The following GABBR2 variants were observed in gnomAD, a reference collection of about 807,000 sequenced individuals.
GABBR2 encodes the protein gamma-aminobutyric acid type B receptor subunit 2.
GABBR2 carries 23 observed loss-of-function variants against 105.6 expected under a neutral mutation model. The observed-to-expected ratio is 0.22, with a 90% CI of 0.16 to 0.31. The LOEUF (loss-of-function observed/expected upper bound fraction) is 0.31. Ranked by LOEUF, GABBR2 falls within the 10% of genes least tolerant of loss-of-function variation. The pLI, the probability that GABBR2 is intolerant of heterozygous loss-of-function variation, is 1.00. For synonymous variants in GABBR2, 478 were observed against 499.7 expected (o/e 0.96, Z 0.58); for missense variants, 734 against 1,245.5 (o/e 0.59, Z 6.18).
chr9:98,317,320 T>C (rs534198131), intron 13 of GABBR2, among the ~76,000 whole-genome samples: 1 of 152,344 alleles, frequency 6.6e-6, no homozygotes, highest in East Asian at 1.9e-4. Flanking sequence ...CTCTCCCATC[T>C]GTGCGGCAAA....
rs1205029193 is a variant in GABBR2 at position 98,708,583 on chromosome 9, C to T, written c.155G>A (p.Ser52Asn). ...GCCCATGATGGAGAGCGGCGGGCTG[C>T]TGGGCGGCGGCCGGGGGGCGCCCCG... ...WARGAPRPPPSSPPLSIMGLM... is the reference protein window; with the variant it reads ...WARGAPRPPPNSPPLSIMGLM... Residue 52 changes from serine to asparagine, a missense_variant, in exon 1 of 19, where the codon AGC becomes AAC. Ser to Asn is a conservative substitution (Grantham distance 46). Coordinates refer to ENST00000259455, the MANE Select transcript of GABBR2 (RefSeq NM_005458.8). 2 of 1,491,318 alleles carry T rather than the reference C, an allele frequency of 1.3e-6. No homozygotes were observed. The highest frequency in any genetic ancestry group is 5.4e-5 in the East Asian group (2 of 37,312). The allele number at this position is 1,491,318 out of a possible 1,614,324, so 92.4% of individuals were successfully genotyped here. A position where few individuals can be genotyped will look rare whatever the true frequency, so the allele number is the denominator to read the frequency against.
At chr9:98,574,576 AGAAATAAT>A (rs1158166857) in intron 2 of GABBR2, among the ~76,000 whole-genome samples, 2 of 152,254 alleles carry the variant, frequency 1.3e-5, no homozygotes, top group Non-Finnish European at 2.9e-5. Context: ...CCTGAACCAG[AGAAATAAT>A]GAAATAATAC....
rs1832119136 is a variant in GABBR2, at chr9:98,388,625, GTGTGTGT to G, written c.1529+222_1529+228del. Among the ~76,000 whole-genome samples, 2 of 89,470 alleles carry G rather than the reference GTGTGTGT, an allele frequency of 2.2e-5. No homozygotes were observed. The highest frequency in any genetic ancestry group is 4.1e-5 in the Non-Finnish European group (2 of 49,002). 58.7% of individuals were successfully genotyped at this position (89,470 alleles called of 152,430 possible). A position where few individuals can be genotyped will look rare whatever the true frequency, so the allele number is the denominator to read the frequency against. On this transcript the variant is annotated intron_variant, in intron 10 of 18. Coordinates refer to ENST00000259455, the MANE Select transcript of GABBR2 (RefSeq NM_005458.8). The surrounding 1 kb of genome is among the most constrained non-coding windows in gnomAD (Gnocchi z 4.4). Reference sequence around the variant, plus strand: ...GCAACCAGCAGCCTGGCCTCTGTGTGTGTGTGTGTGTGTGTGTGTGTGTGTGTGTGTG... The same window carrying G: ...GCAACCAGCAGCCTGGCCTCTGTGTGGTGTGTGTGTGTGTGTGTGTGTGTG...
At chr9:98,340,645 C>G (rs1831196371) in intron 13 of GABBR2, among the ~76,000 whole-genome samples, 1 of 152,194 alleles carries the variant, frequency 6.6e-6, no homozygotes, top group African/African-American at 2.4e-5. Flanking sequence ...CATACCTAAT[C>G]TTGCTCATCA....
chr9:98,471,603 C>T (rs1275494739), intron 6 of GABBR2, among the ~76,000 whole-genome samples: 2 of 152,232 alleles, frequency 1.3e-5, no homozygotes, highest in Admixed American at 6.5e-5. Context: ...GGAGGTCCTT[C>T]CTGTAGTGTC....
chr9:98,423,602 T>C (rs1832823457), intron 7 of GABBR2, among the ~76,000 whole-genome samples: 1 of 152,250 alleles, frequency 6.6e-6, no homozygotes, highest in Admixed American at 6.5e-5. Flanking sequence ...AGAAGCACTT[T>C]AGTTTAATTA....
In GABBR2 at chr9:98,538,574, C is replaced by A. The variant is rs557144988; in HGVS notation, c.630+3299G>T. 3.4e-4 allele frequency: 336 copies of A among 981,800 alleles called. No homozygotes were observed. The African/African-American group carries it at 5.3e-3, about 15-fold the overall frequency. The allele number at this position is 981,800 out of a possible 1,614,324, so 60.8% of individuals were successfully genotyped here. On this transcript the variant is annotated intron_variant, in intron 3 of 18. Coordinates refer to ENST00000259455, the MANE Select transcript of GABBR2 (RefSeq NM_005458.8). ...GAAACTCAGAGGTTGGAGGTGCTCA[C>A]AGGAGCAGCTGGTCCCCAGGTGGGA...
chr9:98,672,422 C>G (rs1830418405), intron 1 of GABBR2, among the ~76,000 whole-genome samples: 1 of 152,258 alleles, frequency 6.6e-6, no homozygotes, highest in South Asian at 2.1e-4. Context: ...ATATTTTTTA[C>G]TGACCAGCAA....
intron 3 of GABBR2, among the ~76,000 whole-genome samples, chr9:98,520,988 G>T (rs1827853770): frequency 6.6e-6 from 1 of 152,092 alleles, no homozygotes; most frequent in Non-Finnish European, 1.5e-5. Flanking sequence ...TTAAAAGGGG[G>T]GCCATGGAAC....
intron 4 of GABBR2, among the ~76,000 whole-genome samples, chr9:98,495,414 C>A (rs1040832346): frequency 6.6e-6 from 1 of 152,152 alleles, no homozygotes; most frequent in African/African-American, 2.4e-5. Context: ...TAAGTGAGGG[C>A]CTGAAGGAAT....
At chr9:98,362,962 TC>T in intron 12 of GABBR2, 125 bp from the exon 13 acceptor site, 2 of 715,190 alleles carry the variant, frequency 2.8e-6, no homozygotes, top group Non-Finnish European at 4.2e-6. Flanking sequence ...CTCCTGCGAT[TC>T]CCCATCACCC....
At chr9:98,434,958 T>G (rs1363096842) in intron 7 of GABBR2, among the ~76,000 whole-genome samples, 1 of 152,190 alleles carries the variant, frequency 6.6e-6, no homozygotes, top group Non-Finnish European at 1.5e-5. Context: ...GAGGTTTTCT[T>G]AATGTTGGTG....
chr9:98,346,419 A>G (rs1210198768), intron 13 of GABBR2, among the ~76,000 whole-genome samples: 1 of 152,176 alleles, frequency 6.6e-6, no homozygotes. Flanking sequence ...CTCACTCATG[A>G]AAGTTATTTT....
intron 15 of GABBR2, among the ~76,000 whole-genome samples, chr9:98,304,797 G>A (rs978557197): frequency 1.7e-5 from 2 of 117,504 alleles, no homozygotes; most frequent in Non-Finnish European, 3.6e-5. Context: ...CGGGTAAAGG[G>A]TCTCACTCTG....
At chr9:98,668,800 T>C (rs1014322586) in intron 1 of GABBR2, among the ~76,000 whole-genome samples, 5 of 152,174 alleles carry the variant, frequency 3.3e-5, no homozygotes, top group African/African-American at 9.7e-5. Flanking sequence ...TGTATTACAC[T>C]TAGCAGTATG....
chr9:98,652,832 T>A (rs1044931137), intron 1 of GABBR2, among the ~76,000 whole-genome samples: 1 of 152,232 alleles, frequency 6.6e-6, no homozygotes, highest in Non-Finnish European at 1.5e-5. Context: ...GGCTCTGCAG[T>A]CAATCCCCAT....
intron 2 of GABBR2, among the ~76,000 whole-genome samples, chr9:98,572,591 C>T (rs992517200): frequency 6.6e-6 from 1 of 152,218 alleles, no homozygotes; most frequent in Non-Finnish European, 1.5e-5. Context: ...TGGAAACAAG[C>T]TTAGCCTCCC....
intron 14 of GABBR2, 30 bp downstream of exon 14, chr9:98,311,065 C>T: frequency 8.1e-7 from 1 of 1,233,386 alleles, no homozygotes; most frequent in Non-Finnish European, 1.2e-6. Context: ...AAGTGTCCCC[C>T]CTCAACACTG....
intron 1 of GABBR2, among the ~76,000 whole-genome samples, chr9:98,682,887 TTTTG>T (rs56246025): frequency 0.93 from 140,960 of 151,808 alleles, 65,586 homozygotes; most frequent in African/African-American, 0.97. Context: ...TTTGATTTTG[TTTTG>T]TTTGTTTGTT....
Sources: allele counts gnomAD v4.1 joint callset (sites outside exome capture counted in the v4.1 genomes callset), GRCh38; gene constraint gnomAD v4.1.1; non-coding constraint Gnocchi (gnomAD v3.1); transcripts MANE v1.5; gene names NCBI Gene and HGNC (gene_info 2026-07-23, HGNC 2026-07-21).